PDE8B: variants seen among roughly 807,000 people sequenced by gnomAD.
The protein encoded by PDE8B is high affinity cAMP-specific and IBMX-insensitive 3',5'-cyclic phosphodiesterase 8B.
A neutral mutation model predicts 101.3 loss-of-function variants in PDE8B; 26 were observed. The observed-to-expected ratio is 0.26, with a 90% CI of 0.19 to 0.36. PDE8B has a LOEUF of 0.36. Among genes scored for constraint, PDE8B ranks in the 10% least tolerant of loss-of-function variants. The pLI, the probability that PDE8B is intolerant of heterozygous loss-of-function variation, is 1.00. For missense variants in PDE8B, 810 were observed against 1,163.1 expected, an observed-to-expected ratio of 0.70 and a Z score of 4.42; for synonymous variants, 424 against 429.3, an observed-to-expected ratio of 0.99 and a Z score of 0.15.
At chr5:77,345,123 T>C (rs945430446) in intron 7 of PDE8B, among the ~76,000 whole-genome samples, 192 bp downstream of exon 7, 2 of 152,214 alleles carry the variant, frequency 1.3e-5, no homozygotes, top group African/African-American at 4.8e-5. Context: ...AAAAAATTAT[T>C]ACTTCAGATC....
intron 1 of PDE8B, among the ~76,000 whole-genome samples, chr5:77,225,942 GAAAACA>G (rs1752306369): frequency 6.6e-6 from 1 of 151,722 alleles, no homozygotes; most frequent in Non-Finnish European, 1.5e-5. Context: ...TATGAACACT[GAAAACA>G]GTTTGATTTT....
intron 3 of PDE8B, among the ~76,000 whole-genome samples, chr5:77,327,757 G>T (rs1247836630): frequency 6.6e-6 from 1 of 152,144 alleles, no homozygotes; most frequent in African/African-American, 2.4e-5. Context: ...TATGCCTCCT[G>T]CCCCATTGTG....
chr5:77,176,699 T>C, the PDE8B span, among the ~76,000 whole-genome samples: 1 of 152,106 alleles, frequency 6.6e-6, no homozygotes, highest in Non-Finnish European at 1.5e-5. Flanking sequence ...GGCTGGTTGA[T>C]ATGGAGAGCA....
At chr5:77,231,223 A>G (rs1753494290) in intron 1 of PDE8B, among the ~76,000 whole-genome samples, 1 of 152,216 alleles carries the variant, frequency 6.6e-6, no homozygotes, top group Admixed American at 6.5e-5. Context: ...ACCTGCTTGT[A>G]TGAAGCCAGA....
At chr5:77,172,053 T>A in the PDE8B span, among the ~76,000 whole-genome samples, 1 of 152,200 alleles carries the variant, frequency 6.6e-6, no homozygotes, top group African/African-American at 2.4e-5. Context: ...TTGACAAGTA[T>A]ATTCTAAACA....
intron 1 of PDE8B, among the ~76,000 whole-genome samples, chr5:77,213,377 A>G (rs922197664): frequency 2.6e-5 from 4 of 152,136 alleles, no homozygotes; most frequent in African/African-American, 9.7e-5. Flanking sequence ...GAAATTTGAG[A>G]CCAGAGTTAT....
chr5:77,100,045 G>A, the PDE8B span, among the ~76,000 whole-genome samples: 1 of 152,340 alleles, frequency 6.6e-6, no homozygotes, highest in Non-Finnish European at 1.5e-5. Flanking sequence ...GGAAGAACTG[G>A]TACAGAGATT....
At chr5:77,124,594 A>AG in the PDE8B span, among the ~76,000 whole-genome samples, 4 of 151,936 alleles carry the variant, frequency 2.6e-5, no homozygotes, top group Non-Finnish European at 5.9e-5. Flanking sequence ...TCAAAAAAAA[A>AG]AAAAGAAAGA....
intron 12 of PDE8B, among the ~76,000 whole-genome samples, chr5:77,406,080 A>G (rs1793374329): frequency 1.3e-5 from 2 of 152,128 alleles, no homozygotes; most frequent in South Asian, 4.1e-4. Flanking sequence ...TGAGGTCAGG[A>G]GTTCGAGGCC....
At chr5:77,302,098 T>C (rs1770085821) in intron 1 of PDE8B, among the ~76,000 whole-genome samples, 1 of 152,222 alleles carries the variant, frequency 6.6e-6, no homozygotes, top group African/African-American at 2.4e-5. Flanking sequence ...ATAATTTCTC[T>C]TTAATCTGAT....
At chr5:77,376,818 G>A (rs1786226480) in intron 10 of PDE8B, among the ~76,000 whole-genome samples, 1 of 152,114 alleles carries the variant, frequency 6.6e-6, no homozygotes, top group Non-Finnish European at 1.5e-5. Context: ...TCTATCTTAT[G>A]CTAATCAAGT....
chr5:77,337,401 T>C (rs562220220), intron 6 of PDE8B, 86 bp downstream of exon 6: 93 of 763,744 alleles, frequency 1.2e-4, no homozygotes, highest in Admixed American at 2.4e-4. Context: ...CAGGGGTTCA[T>C]AGCTGAATCC....
At chr5:77,275,771 G>T (rs1763734671) in intron 1 of PDE8B, among the ~76,000 whole-genome samples, 1 of 152,154 alleles carries the variant, frequency 6.6e-6, no homozygotes, top group South Asian at 2.1e-4. Context: ...GTGCTTCCAA[G>T]ATATTTCTTT....
chr5:77,305,419 C>A (rs1412669589), intron 1 of PDE8B, among the ~76,000 whole-genome samples: 1 of 152,114 alleles, frequency 6.6e-6, no homozygotes, highest in Non-Finnish European at 1.5e-5. Flanking sequence ...CCAGGTAAGG[C>A]TGGAGGCTGG....
At chr5:77,331,238 G>C in intron 4 of PDE8B, 164 bp from the exon 5 acceptor site, 2 of 744,878 alleles carry the variant, frequency 2.7e-6, no homozygotes, top group Non-Finnish European at 4.9e-6. Flanking sequence ...AGGTAGATGT[G>C]GGGTCTGTAT....
chr5:77,229,668 A>G (rs1257887816), intron 1 of PDE8B, among the ~76,000 whole-genome samples: 1 of 152,094 alleles, frequency 6.6e-6, no homozygotes. Flanking sequence ...TATTGTGGAC[A>G]TTTCCTATAG....
the PDE8B span, among the ~76,000 whole-genome samples, chr5:77,157,944 A>G: frequency 6.6e-6 from 1 of 152,136 alleles, no homozygotes; most frequent in Non-Finnish European, 1.5e-5. Context: ...ATCAGACGGT[A>G]TTTACAGACA....
the PDE8B span, among the ~76,000 whole-genome samples, chr5:77,107,329 G>C: frequency 3.3e-5 from 5 of 152,124 alleles, no homozygotes; most frequent in Non-Finnish European, 5.9e-5. Context: ...TCCATTGCTG[G>C]TATATAGTAA....
At chr5:77,386,261 G>A (rs898308989) in intron 10 of PDE8B, among the ~76,000 whole-genome samples, 1 of 152,170 alleles carries the variant, frequency 6.6e-6, no homozygotes, top group African/African-American at 2.4e-5. Context: ...CTGTTGATTT[G>A]GGGTGGAGAG....
Sources: gnomAD v4.1 joint callset for allele counts (sites outside exome capture counted in the v4.1 genomes callset) on GRCh38, gnomAD v4.1.1 for gene constraint, MANE v1.5 for transcripts, NCBI Gene and HGNC (gene_info 2026-07-23, HGNC 2026-07-21) for gene names.